ERBIN: variants seen among roughly 807,000 people sequenced by gnomAD.
ERBIN encodes the protein erbb2 interacting protein.
In ERBIN, 60 loss-of-function variants were observed where a neutral mutation model predicts 158.4. That is an observed-to-expected ratio of 0.38 (90% CI 0.31 to 0.47). The LOEUF is 0.47. Among genes scored for constraint, ERBIN ranks in the 20% least tolerant of loss-of-function variants. ERBIN has a pLI of 0.99. For missense variants in ERBIN, 1,610 were observed against 1,648.0 expected (o/e 0.98, Z 0.40); for synonymous variants, 594 against 557.2 (o/e 1.07, Z -0.93).
chr5:65,953,397 G>A (rs1001300398), intron 1 of ERBIN, among the ~76,000 whole-genome samples: 1 of 152,170 alleles, frequency 6.6e-6, no homozygotes, highest in African/African-American at 2.4e-5. Context: ...AGTTAGACAA[G>A]TCCTCTTGGC....
At position 65,950,500 on chromosome 5, in the gene ERBIN, G is replaced by A. The variant is rs373241624; in HGVS notation, c.-58+23694G>A. On this transcript the variant is annotated intron_variant, in intron 1 of 25. Transcript: ENST00000284037. ...GCTTTTCTTACCATATCAAGAAAAGGGTATGATATTAACATTATTTATTAC... is the reference window on the plus strand; with the variant it reads ...GCTTTTCTTACCATATCAAGAAAAGAGTATGATATTAACATTATTTATTAC... 2.1e-3 allele frequency among the ~76,000 whole-genome samples: 326 copies of A among 152,264 alleles called. 2 individuals carry two copies. The highest frequency in any genetic ancestry group is 7.7e-3 in the African/African-American group (320 of 41,554).
At chr5:66,066,243 G>A (rs1400878136) in intron 21 of ERBIN, among the ~76,000 whole-genome samples, 2 of 152,018 alleles carry the variant, frequency 1.3e-5, no homozygotes, top group African/African-American at 4.8e-5. Flanking sequence ...ATAGCAGCAG[G>A]ATTTAGACTC....
intron 1 of ERBIN, among the ~76,000 whole-genome samples, chr5:65,958,674 G>A (rs544965719): frequency 2.0e-5 from 3 of 150,408 alleles, no homozygotes; most frequent in African/African-American, 7.3e-5. Flanking sequence ...GGGGGAGGGG[G>A]AGGGAAATGT....
chr5:65,945,635 A>G (rs1441213831), intron 1 of ERBIN, among the ~76,000 whole-genome samples: 1 of 152,210 alleles, frequency 6.6e-6, no homozygotes, highest in Non-Finnish European at 1.5e-5. Flanking sequence ...ACTTAAATAT[A>G]TAAACTATTT....
At chr5:66,076,271 C>T (rs1248095692) in intron 23 of ERBIN, 45 bp from the exon 24 acceptor site, 3 of 1,494,256 alleles carry the variant, frequency 2.0e-6, no homozygotes, top group African/African-American at 2.8e-5. Flanking sequence ...TGCATTATAA[C>T]TTTTTCTGAA....
intron 21 of ERBIN, among the ~76,000 whole-genome samples, chr5:66,062,424 A>T (rs980413463): frequency 6.6e-6 from 1 of 152,012 alleles, no homozygotes; most frequent in Non-Finnish European, 1.5e-5. Flanking sequence ...TGCATTGGTT[A>T]TTCTAGTTAT....
intron 1 of ERBIN, among the ~76,000 whole-genome samples, chr5:65,957,498 A>G (rs1580152010): frequency 6.6e-6 from 1 of 152,168 alleles, no homozygotes; most frequent in African/African-American, 2.4e-5. Context: ...AACCCTGAGT[A>G]GACACAGCAC....
chr5:66,044,107 C>T (rs1339334983), intron 16 of ERBIN, 30 bp from the exon 17 acceptor site: 3 of 1,455,170 alleles, frequency 2.1e-6, no homozygotes, highest in Non-Finnish European at 2.8e-6. Flanking sequence ...AATATTTGTA[C>T]TTCATATTTT....
intron 21 of ERBIN, among the ~76,000 whole-genome samples, chr5:66,070,625 TGA>T (rs1400976256): frequency 6.6e-6 from 1 of 152,200 alleles, no homozygotes; most frequent in Non-Finnish European, 1.5e-5. Context: ...CATTCACACT[TGA>T]GTTAAAATTT....
At chr5:65,948,540 A>G (rs770720627) in intron 1 of ERBIN, among the ~76,000 whole-genome samples, 2 of 152,102 alleles carry the variant, frequency 1.3e-5, no homozygotes, top group Non-Finnish European at 2.9e-5. Context: ...CTCAGGGAAG[A>G]TAAATTATAT....
intron 14 of ERBIN, among the ~76,000 whole-genome samples, chr5:66,033,728 A>G (rs1000793053): frequency 6.6e-6 from 1 of 152,204 alleles, no homozygotes. Flanking sequence ...AAAGAAATTG[A>G]TAGCTAGCAG....
intron 21 of ERBIN, chr5:66,068,925 T>G (rs1761275449): frequency 6.5e-7 from 1 of 1,535,826 alleles, no homozygotes; most frequent in African/African-American, 1.4e-5. Flanking sequence ...TGTAAGCAGT[T>G]TTCACTGTGG....
chr5:65,959,303 CAT>C (rs762875428), intron 1 of ERBIN, among the ~76,000 whole-genome samples: 23 of 152,128 alleles, frequency 1.5e-4, no homozygotes, highest in African/African-American at 2.4e-4. Context: ...TTTCAGGAGT[CAT>C]GTGTTTATTG....
chr5:65,996,847 T>C (rs1444383565), intron 4 of ERBIN, among the ~76,000 whole-genome samples: 1 of 152,184 alleles, frequency 6.6e-6, no homozygotes, highest in Non-Finnish European at 1.5e-5. Flanking sequence ...TTTACCTCTT[T>C]AGTTAAATTT....
chr5:66,072,374 A>G, intron 22 of ERBIN, 83 bp downstream of exon 22: 2 of 1,348,798 alleles, frequency 1.5e-6, no homozygotes, highest in Non-Finnish European at 1.9e-6. Context: ...TATGTGCTTT[A>G]GATGAAAATA....
intron 24 of ERBIN, 24 bp from the exon 25 acceptor site, chr5:66,076,851 A>C: frequency 1.3e-6 from 2 of 1,557,168 alleles, no homozygotes; most frequent in Non-Finnish European, 1.8e-6. Flanking sequence ...GTTTTTAGTT[A>C]AATAATTTTT....
intron 15 of ERBIN, 112 bp from the exon 16 acceptor site, chr5:66,042,965 C>G: frequency 1.3e-6 from 1 of 764,316 alleles, no homozygotes; most frequent in South Asian, 2.1e-5. Flanking sequence ...CCATTCTTAA[C>G]TATTTTAGAC....
At chr5:66,039,025 C>CGTGTGT (rs149165726) in intron 15 of ERBIN, among the ~76,000 whole-genome samples, 11 of 148,708 alleles carry the variant, frequency 7.4e-5, no homozygotes, top group African/African-American at 2.2e-4. Context: ...GTACTCTCTG[C>CGTGTGT]GTGTGTGTGT....
intron 9 of ERBIN, 26 bp downstream of exon 9, chr5:66,023,390 A>G: frequency 6.7e-6 from 10 of 1,495,188 alleles, no homozygotes; most frequent in Non-Finnish European, 8.3e-6. Flanking sequence ...TTTAAATGGC[A>G]TCACTTATTT....
Sources: allele counts gnomAD v4.1 joint callset (sites outside exome capture counted in the v4.1 genomes callset), GRCh38; gene constraint gnomAD v4.1.1; transcripts MANE v1.5; gene names NCBI Gene and HGNC (gene_info 2026-07-23, HGNC 2026-07-21).